ACOT8: variants seen among roughly 807,000 people sequenced by gnomAD.
ACOT8 encodes acyl-CoA thioesterase 8.
Under a neutral mutation model 38.4 loss-of-function variants are expected in ACOT8, and 31 were observed. The observed-to-expected ratio is 0.81, with a 90% CI of 0.61 to 1.09. The LOEUF (loss-of-function observed/expected upper bound fraction) is 1.09. ACOT8 is among the 50% of genes least tolerant of loss of function. ACOT8 has a pLI of 0.00. For missense variants in ACOT8, 373 were observed against 421.8 expected, an observed-to-expected ratio of 0.88 and a Z score of 1.01; for synonymous variants, 158 against 170.3, an observed-to-expected ratio of 0.93 and a Z score of 0.56.
intron 1 of ACOT8, 103 bp downstream of exon 1, chr20:45,857,085 C>T: frequency 1.4e-6 from 2 of 1,387,708 alleles, no homozygotes; most frequent in Middle Eastern, 1.9e-4. Flanking sequence ...GTGCATCCCA[C>T]GCAGAGCCAT....
At chr20:45,853,028 CA>C (rs1985164361) in intron 2 of ACOT8, among the ~76,000 whole-genome samples, 1 of 152,196 alleles carries the variant, frequency 6.6e-6, no homozygotes, top group Non-Finnish European at 1.5e-5. Flanking sequence ...CTCGGCTTCC[CA>C]AAGTGCTAGG....
rs760114014 is a variant in ACOT8 at position 45,855,123 on chromosome 20, C to G, written c.262+36G>C. On this transcript the variant is annotated intron_variant, in intron 2 of 5. Coordinates refer to ENST00000217455, the MANE Select transcript of ACOT8 (RefSeq NM_005469.4). ...AAGGCCAGAAATGGCTGCTGGGCCA[C>G]CAGGGTTGGGTTGGGGCAGGAAGTG... 27 of 1,608,696 alleles carry G rather than the reference C, an allele frequency of 1.7e-5. 1 individual carries two copies. The highest frequency in any genetic ancestry group is 8.5e-7 in the Non-Finnish European group (1 of 1,176,594).
intron 5 of ACOT8, chr20:45,842,472 A>G: frequency 4.8e-6 from 5 of 1,035,076 alleles, no homozygotes; most frequent in Non-Finnish European, 5.8e-6. Flanking sequence ...CCAAGTGGTA[A>G]TTCATGAAAA....
chr20:45,842,086 C>T (rs1323893980), intron 5 of ACOT8, 130 bp from the exon 6 acceptor site: 1 of 1,538,306 alleles, frequency 6.5e-7, no homozygotes, highest in Non-Finnish European at 8.7e-7. Context: ...AGGGATCCTC[C>T]CGCCTCAGCC....
chr20:45,848,809 C>T lies in ACOT8; in HGVS notation c.263-134G>A, dbSNP rs1984875255. ...AACTGAGGTCTGCTAAGGTCCAGGCCCAGGGATACAGAGACCACCAGGCCC... is the reference window on the plus strand; with the variant it reads ...AACTGAGGTCTGCTAAGGTCCAGGCTCAGGGATACAGAGACCACCAGGCCC... On this transcript the variant is annotated intron_variant, in intron 2 of 5. Transcript: ENST00000217455. 6 of 761,514 alleles carry T rather than the reference C, an allele frequency of 7.9e-6. No homozygotes were observed. In the East Asian group the frequency reaches 1.4e-4, roughly 18 times the overall value. The allele number at this position is 761,514 out of a possible 1,614,324, so 47.2% of individuals were successfully genotyped here. A position where few individuals can be genotyped will look rare whatever the true frequency, so the allele number is the denominator to read the frequency against.
chr20:45,851,020 G>C (rs908206097), intron 2 of ACOT8, among the ~76,000 whole-genome samples: 1 of 152,176 alleles, frequency 6.6e-6, no homozygotes, highest in Admixed American at 6.5e-5. Context: ...GAGGAACCCT[G>C]ACATCTGGGC....
At chr20:45,851,760 A>G (rs572445086) in intron 2 of ACOT8, among the ~76,000 whole-genome samples, 1 of 152,352 alleles carries the variant, frequency 6.6e-6, no homozygotes, top group Non-Finnish European at 1.5e-5. Flanking sequence ...GGCAAAACCT[A>G]AAATGTTTAC....
At position 45,855,153 on chromosome 20, in the gene ACOT8, G is replaced by T. The variant is rs750712983; in HGVS notation, c.262+6C>A. On this transcript the variant is annotated splice_donor_region_variant and intron_variant, in intron 2 of 5. Transcript: ENST00000217455. ...GTTGGGTTGGGGCAGGAAGTGGGGG[G>T]TTTACCTGCCCGAACAAAGTAGCAG... The T allele has an allele frequency of 2.5e-6, 4 of 1,613,732 alleles. No homozygotes were observed. The highest frequency in any genetic ancestry group is 2.2e-5 in the East Asian group (1 of 44,876).
Position 45,855,302 on chromosome 20 carries a change from G to C in ACOT8, c.129-10C>G. ...CCAGTAATGCCTTCCTCTGTAGGGA[G>C]AGGGGGAAAGAGGGAAAGACTTGGG... On this transcript the variant is annotated splice_polypyrimidine_tract_variant and intron_variant, in intron 1 of 5. Transcript: ENST00000217455. 4 of 1,613,702 alleles carry C rather than the reference G, an allele frequency of 2.5e-6. No individual in the cohort carries two copies. The highest frequency in any genetic ancestry group is 3.4e-6 in the Non-Finnish European group (4 of 1,179,932).
Position 45,844,318 on chromosome 20 carries a change from C to G in ACOT8, c.591G>C (p.Gln197His), listed in dbSNP as rs1242446508. 6.2e-7 allele frequency: 1 copy of G among 1,614,196 alleles called. No individual in the cohort carries two copies. The highest frequency in any genetic ancestry group is 2.2e-5 in the East Asian group (1 of 44,884). Reference protein sequence around the residue: ...IKPVNPSPLSQLQRMEPKQMF... With the variant: ...IKPVNPSPLSHLQRMEPKQMF... ...TCTGTTTGGGCTCCATTCTCTGCAG[C>G]TGGCTCAGGGGGGATGGGTTTACTG... Residue 197 changes from glutamine (Q) to histidine (H), a missense_variant, in exon 4 of 6, where the codon CAG becomes CAC. By Grantham distance (24) the Gln-to-His change is conservative (BLOSUM62 0). Transcript: ENST00000217455.
Position 45,855,158 on chromosome 20 carries a change from C to A in ACOT8, c.262+1G>T. The stretch of plus-strand genomic sequence containing the variant: ...GTTGGGGCAGGAAGTGGGGGGTTTA[C>A]CTGCCCGAACAAAGTAGCAGTGCAG... On this transcript the variant is annotated splice_donor_variant, in intron 2 of 5. Coordinates refer to ENST00000217455, the MANE Select transcript of ACOT8 (RefSeq NM_005469.4). LOFTEE classifies it high-confidence loss of function. 6.2e-7 allele frequency: 1 copy of A among 1,613,828 alleles called. No individual in the cohort carries two copies. The highest frequency in any genetic ancestry group is 8.5e-7 in the Non-Finnish European group (1 of 1,179,854).
chr20:45,844,147 TC>T, intron 4 of ACOT8, 115 bp downstream of exon 4: 1 of 1,412,128 alleles, frequency 7.1e-7, no homozygotes. Context: ...AACTTCCCCA[TC>T]ATGCAGATAA....
At position 45,842,295 on chromosome 20, in the gene ACOT8, T is replaced by A. The variant is rs1984259788; in HGVS notation, c.842-339A>T. On this transcript the variant is annotated intron_variant, in intron 5 of 5. Transcript: ENST00000217455. The stretch of plus-strand genomic sequence containing the variant: ...CTCCCACAGGAACCCCAGTTGACAG[T>A]TTAAAAGCACTTTCACACCTCTCCT... 4.2e-6 allele frequency: 6 copies of A among 1,423,426 alleles called. No homozygotes were observed. The South Asian group carries it at 9.3e-5, about 22-fold the overall frequency. 88.2% of individuals were successfully genotyped at this position (1,423,426 alleles called of 1,614,324 possible).
chr20:45,851,997 T>G (rs1251741805), intron 2 of ACOT8, among the ~76,000 whole-genome samples: 1 of 152,042 alleles, frequency 6.6e-6, no homozygotes, highest in East Asian at 1.9e-4. Flanking sequence ...TCTTTTTTGT[T>G]TTGTTTTTTT....
chr20:45,844,263 C>CA lies in ACOT8; in HGVS notation c.645dup (p.Gly216TrpfsTer53). 6.2e-7 allele frequency: 1 copy of CA among 1,614,172 alleles called. No individual in the cohort carries two copies. Among genetic ancestry groups the CA allele is most frequent in the Non-Finnish European group, 8.5e-7 (1 of 1,180,036 alleles). On this transcript the variant is annotated frameshift_variant and splice_region_variant, in exon 4 of 6. Coordinates refer to ENST00000217455, the MANE Select transcript of ACOT8 (RefSeq NM_005469.4). LOFTEE classifies it high-confidence loss of function. Reference sequence around the variant, plus strand: ...CCTCCCATCCATGGGGTACTCTTACCAATATAGCCCCGGGCTCGCACCCAG... The same window carrying CA: ...CCTCCCATCCATGGGGTACTCTTACCAAATATAGCCCCGGGCTCGCACCCAG...
intron 2 of ACOT8, chr20:45,853,516 T>C (rs559666903): frequency 1.3e-3 from 217 of 162,002 alleles, no homozygotes; most frequent in African/African-American, 4.8e-3. Context: ...CTGCACTAGA[T>C]ACTTTACTGG....
chr20:45,856,921 TGAA>T (rs1293678699), intron 1 of ACOT8, among the ~76,000 whole-genome samples: 1 of 152,156 alleles, frequency 6.6e-6, no homozygotes, highest in Non-Finnish European at 1.5e-5. Flanking sequence ...AGCTCCCCCG[TGAA>T]GGCTTAGGGC....
chr20:45,853,650 G>C, intron 2 of ACOT8: 1 of 224,816 alleles, frequency 4.4e-6, no homozygotes, highest in South Asian at 5.7e-5. Flanking sequence ...ATATCAAAAG[G>C]CTGGTACTTA....
intron 2 of ACOT8, among the ~76,000 whole-genome samples, chr20:45,852,497 A>G (rs1318311500): frequency 1.3e-5 from 2 of 152,094 alleles, no homozygotes; most frequent in Non-Finnish European, 2.9e-5. Context: ...CATTGGTTTT[A>G]ATATCTGATA....
Sources: gnomAD v4.1 joint callset for allele counts (sites outside exome capture counted in the v4.1 genomes callset) on GRCh38, gnomAD v4.1.1 for gene constraint, MANE v1.5 for transcripts, NCBI Gene and HGNC (gene_info 2026-07-23, HGNC 2026-07-21) for gene names.